The following LPP variants were observed in gnomAD, a reference collection of about 807,000 sequenced individuals.
LPP encodes the protein LIM domain containing preferred translocation partner in lipoma.
LPP carries 38 observed loss-of-function variants against 60.4 expected under a neutral mutation model. The observed-to-expected ratio is 0.63, with a 90% CI of 0.49 to 0.83. LPP has a LOEUF of 0.83. Among genes scored for constraint, LPP ranks in the 40% least tolerant of loss-of-function variants. The pLI, the probability that LPP is intolerant of heterozygous loss-of-function variation, is 0.00. For missense variants in LPP, 902 were observed against 783.6 expected (o/e 1.15, Z -1.80); for synonymous variants, 328 against 290.8 (o/e 1.13, Z -1.30).
At chr3:188,554,430 A>C (rs182797226) in intron 6 of LPP, among the ~76,000 whole-genome samples, 203 of 152,338 alleles carry the variant, frequency 1.3e-3, no homozygotes, top group Non-Finnish European at 1.7e-3. Flanking sequence ...AGTTCAATTT[A>C]TACCAGATTA....
intron 3 of LPP, among the ~76,000 whole-genome samples, chr3:188,372,286 A>C (rs1773508196): frequency 6.6e-6 from 1 of 152,150 alleles, no homozygotes; most frequent in South Asian, 2.1e-4. Context: ...AAATTAATAT[A>C]AGATAAATTT....
chr3:188,830,333 G>A (rs1179642914), intron 9 of LPP, among the ~76,000 whole-genome samples: 1 of 149,500 alleles, frequency 6.7e-6, no homozygotes, highest in Non-Finnish European at 1.5e-5. Context: ...GGCTCAACCA[G>A]GCGCGGTGGC....
chr3:188,663,023 C>A (rs909718996), intron 7 of LPP, among the ~76,000 whole-genome samples: 1 of 152,206 alleles, frequency 6.6e-6, no homozygotes, highest in East Asian at 1.9e-4. Context: ...GAATGGAATG[C>A]ATCTAATTGA....
intron 1 of LPP, among the ~76,000 whole-genome samples, chr3:188,219,082 G>C (rs775581369): frequency 6.8e-6 from 1 of 148,030 alleles, no homozygotes; most frequent in Non-Finnish European, 1.5e-5. Flanking sequence ...CGGGGTGGGG[G>C]GGATTTATTC....
At chr3:188,472,883 T>G (rs987021041) in intron 4 of LPP, 1 of 152,132 alleles carries the variant, frequency 6.6e-6, no homozygotes, top group Non-Finnish European at 1.5e-5. Context: ...TGTAGGGGTG[T>G]AGCGGGTTTT....
At chr3:188,565,153 A>C (rs1831824042) in intron 6 of LPP, among the ~76,000 whole-genome samples, 1 of 151,948 alleles carries the variant, frequency 6.6e-6, no homozygotes, top group African/African-American at 2.4e-5. Context: ...TGTCTGATCC[A>C]ACTAGCTGTG....
At chr3:188,387,979 T>A (rs1423848636) in intron 3 of LPP, among the ~76,000 whole-genome samples, 1 of 152,090 alleles carries the variant, frequency 6.6e-6, no homozygotes, top group Admixed American at 6.6e-5. Context: ...ATCTCCCCTA[T>A]CATGCTAGTA....
chr3:188,694,279 GGTACA>G (rs1162127128), intron 7 of LPP, among the ~76,000 whole-genome samples: 6 of 151,678 alleles, frequency 4.0e-5, no homozygotes, highest in Non-Finnish European at 8.8e-5. Flanking sequence ...CCCACCTTTA[GGTACA>G]GTACTATTTA....
chr3:188,198,427 T>C (rs1730137583), intron 1 of LPP, among the ~76,000 whole-genome samples: 1 of 152,254 alleles, frequency 6.6e-6, no homozygotes, highest in Non-Finnish European at 1.5e-5. Flanking sequence ...TGTTGTGCTG[T>C]TCTGTAGACT....
chr3:188,421,249 G>A (rs1421044818), intron 4 of LPP, among the ~76,000 whole-genome samples: 1 of 152,018 alleles, frequency 6.6e-6, no homozygotes, highest in Non-Finnish European at 1.5e-5. Flanking sequence ...TATTTGTTCT[G>A]CTTCTATTAC....
At chr3:188,472,088 A>T (rs1801984992) in intron 4 of LPP, among the ~76,000 whole-genome samples, 2 of 152,326 alleles carry the variant, frequency 1.3e-5, no homozygotes, top group South Asian at 2.1e-4. Context: ...ACCTCCAATG[A>T]TTCTCAAATC....
chr3:188,636,694 C>T (rs1433602122), intron 7 of LPP, among the ~76,000 whole-genome samples: 2 of 152,032 alleles, frequency 1.3e-5, no homozygotes, highest in African/African-American at 4.8e-5. Flanking sequence ...GTTCTCCCAG[C>T]ACGCAGCTGG....
intron 2 of LPP, among the ~76,000 whole-genome samples, chr3:188,276,966 T>G (rs1253230170): frequency 7.3e-6 from 1 of 136,616 alleles, no homozygotes; most frequent in Non-Finnish European, 1.5e-5. Context: ...TATAGTGGCA[T>G]GATCTTAGCT....
chr3:188,457,662 G>A (rs981545188), intron 4 of LPP, among the ~76,000 whole-genome samples: 13 of 151,618 alleles, frequency 8.6e-5, no homozygotes, highest in Non-Finnish European at 1.8e-4. Flanking sequence ...GGAGGCCAAG[G>A]GGAGCAGATC....
rs1819953405 is a variant in LPP at position 188,524,651 on chromosome 3, G to A, written c.307-14G>A. 5 of 1,610,918 alleles carry A rather than the reference G, an allele frequency of 3.1e-6. No homozygotes were observed. Among genetic ancestry groups the A allele is most frequent in the Non-Finnish European group, 4.2e-6 (5 of 1,178,596 alleles). On this transcript the variant is annotated splice_polypyrimidine_tract_variant and intron_variant, in intron 5 of 11. Coordinates refer to ENST00000617246, the MANE Select transcript of LPP (RefSeq NM_001375462.1). ...AAATTTCCTTTGTTAACATGTCTGT[G>A]TTGCTTCCAACAGGGGAATCCCGGA...
At chr3:188,533,316 G>A (rs998029710) in intron 6 of LPP, among the ~76,000 whole-genome samples, 4 of 152,136 alleles carry the variant, frequency 2.6e-5, no homozygotes, top group African/African-American at 9.7e-5. Flanking sequence ...GTAGGCTACT[G>A]GGAGATGAAA....
intron 2 of LPP, among the ~76,000 whole-genome samples, chr3:188,302,075 G>A (rs1030076735): frequency 2.0e-5 from 3 of 152,032 alleles, no homozygotes; most frequent in African/African-American, 7.2e-5. Context: ...GGAGCTGCTT[G>A]GAACTTGATT....
intron 11 of LPP, 73 bp from the exon 12 acceptor site, chr3:188,874,278 C>T (rs1768956734): frequency 2.7e-6 from 4 of 1,460,236 alleles, no homozygotes; most frequent in Non-Finnish European, 2.8e-6. Flanking sequence ...ATAGAAAGCT[C>T]AATCATGATG....
At chr3:188,229,941 G>A (rs1457592732) in intron 2 of LPP, among the ~76,000 whole-genome samples, 1 of 152,138 alleles carries the variant, frequency 6.6e-6, no homozygotes, top group Non-Finnish European at 1.5e-5. Context: ...GTATGTGTTT[G>A]CTGCCCTGAT....
Sources: gnomAD v4.1 joint callset for allele counts (sites outside exome capture counted in the v4.1 genomes callset) on GRCh38, gnomAD v4.1.1 for gene constraint, MANE v1.5 for transcripts, NCBI Gene and HGNC (gene_info 2026-07-23, HGNC 2026-07-21) for gene names.